Variants in FSIP2 observed in about 807,000 individuals in gnomAD.
FSIP2 encodes fibrous sheath-interacting protein 2.
FSIP2 carries 367 observed loss-of-function variants against 510.5 expected under a neutral mutation model. The observed-to-expected ratio is 0.72, with a 90% CI of 0.66 to 0.78. FSIP2 has a LOEUF of 0.78. Among genes scored for constraint, FSIP2 ranks in the 30% least tolerant of loss-of-function variants. The pLI, the probability that FSIP2 is intolerant of heterozygous loss-of-function variation, is 0.00. For missense variants in FSIP2, 7,594 were observed against 7,901.7 expected, an observed-to-expected ratio of 0.96 and a Z score of 1.48; for synonymous variants, 2,601 against 2,732.2, an observed-to-expected ratio of 0.95 and a Z score of 1.50.
rs1691860619 is a variant in FSIP2 at position 185,738,999 on chromosome 2, T to G, written c.99+6T>G. The stretch of plus-strand genomic sequence containing the variant: ...ACACCCAGCAGTGCAGAGACGTGAG[T>G]GGCCGCAAGCTGGGCGGCGTCGCCC... On this transcript the variant is annotated splice_donor_region_variant and intron_variant, in intron 1 of 22. Transcript: ENST00000424728. 1 of 1,531,276 alleles carries G rather than the reference T, an allele frequency of 6.5e-7. No individual in the cohort carries two copies. Among genetic ancestry groups the G allele is most frequent in the Non-Finnish European group, 8.7e-7 (1 of 1,145,518 alleles). The allele number at this position is 1,531,276 out of a possible 1,614,324, so 94.9% of individuals were successfully genotyped here. A position where few individuals can be genotyped will look rare whatever the true frequency, so the allele number is the denominator to read the frequency against.
chr2:185,797,394 A>G lies in FSIP2; in HGVS notation c.10258A>G (p.Lys3420Glu), dbSNP rs1693317860. 2 of 1,531,484 alleles carry G rather than the reference A, an allele frequency of 1.3e-6. No individual in the cohort carries two copies. Among genetic ancestry groups the G allele is most frequent in the Non-Finnish European group, 8.7e-7 (1 of 1,145,428 alleles). The allele number at this position is 1,531,484 out of a possible 1,614,324, so 94.9% of individuals were successfully genotyped here. Reference protein sequence around the residue: ...LQKLKKKEYPKIETVKEVEAF... With the variant: ...LQKLKKKEYPEIETVKEVEAF... ...AAAATTGAAAAAAAAGGAGTACCCA[A>G]AGATAGAGACTGTGAAGGAAGTTGA... is the stretch of plus-strand genomic sequence containing the variant. The change falls in exon 16 of 23, where the codon AAG (lysine) becomes GAG (glutamate). Residue 3420 changes from lysine to glutamate, a missense_variant. Coordinates refer to ENST00000424728, the MANE Select transcript of FSIP2 (RefSeq NM_173651.4).
In FSIP2 at chr2:185,791,007, C is replaced by T. The variant is rs994294942; in HGVS notation, c.3871C>T (p.Leu1291Phe). 7.2e-6 allele frequency: 11 copies of T among 1,529,518 alleles called. No homozygotes were observed. Among genetic ancestry groups the T allele is most frequent in the Admixed American group, 2.0e-5 (1 of 50,402 alleles). The allele number at this position is 1,529,518 out of a possible 1,614,324, so 94.7% of individuals were successfully genotyped here. A position where few individuals can be genotyped will look rare whatever the true frequency, so the allele number is the denominator to read the frequency against. ...CTTCAAATCTTCATTACGATCTCAA[C>T]TTAGTAAGTACACAGCTAAAATAGT... The part of the protein sequence containing the change: ...MGFKSSLRSQ[L>F]SKYTAKIVNI... Residue 1291 changes from leucine (L) to phenylalanine (F), a missense_variant, in exon 16 of 23, where the codon CTT (leucine) becomes TTT (phenylalanine). Physicochemically the swap from Leu to Phe is conservative, Grantham distance 22 (BLOSUM62 0). Transcript: ENST00000424728.
At chr2:185,749,247 C>G in intron 7 of FSIP2, among the ~76,000 whole-genome samples, 1 of 151,908 alleles carries the variant, frequency 6.6e-6, no homozygotes, top group Admixed American at 6.6e-5. Context: ...GCACAATTTA[C>G]CTCTTTATAA....
chr2:185,746,278 C>T (rs1037893634), intron 5 of FSIP2, among the ~76,000 whole-genome samples: 67 of 125,632 alleles, frequency 5.3e-4, no homozygotes, highest in African/African-American at 1.9e-3. Flanking sequence ...TTAGAGAATT[C>T]AAATGGACTG....
At chr2:185,766,711 C>G (rs1301408928) in intron 13 of FSIP2, among the ~76,000 whole-genome samples, 2 of 150,620 alleles carry the variant, frequency 1.3e-5, no homozygotes, top group Non-Finnish European at 3.0e-5. Flanking sequence ...CACTTTTACA[C>G]TGTTGGTGGG....
At position 185,790,432 on chromosome 2, in the gene FSIP2, A is replaced by G; in HGVS notation, c.3296A>G (p.Lys1099Arg). Residue 1099 changes from lysine (K) to arginine (R), a missense_variant, in exon 16 of 23, where the codon AAG (lysine) becomes AGG (arginine). Transcript: ENST00000424728. ...KDISTFSQDQ[K>R]HQIEKASENI... ...ATTTCAACTTTCAGCCAAGATCAAA[A>G]GCATCAAATAGAAAAGGCTTCAGAA... 2 of 1,532,588 alleles carry G rather than the reference A, an allele frequency of 1.3e-6. No individual in the cohort carries two copies. The highest frequency in any genetic ancestry group is 4.9e-5 in the East Asian group (2 of 40,844). 94.9% of individuals were successfully genotyped at this position (1,532,588 alleles called of 1,614,324 possible).
rs117954044 is a variant in FSIP2 at position 185,817,209 on chromosome 2, C to A, written c.20426+1738C>A. ...CAGAGTAGATCTTGTTCTGACCTAT[C>A]TATGGGCTTTCTTAAGAAATTATTT... On this transcript the variant is annotated intron_variant, in intron 19 of 22. Transcript: ENST00000424728. Among the ~76,000 whole-genome samples, 22 of 152,026 alleles carry A rather than the reference C, an allele frequency of 1.4e-4. No individual in the cohort carries two copies. The East Asian group carries it at 4.3e-3, about 30-fold the overall frequency.
chr2:185,761,946 T>C, intron 10 of FSIP2, 26 bp from the exon 11 acceptor site: 1 of 1,345,250 alleles, frequency 7.4e-7, no homozygotes, highest in Non-Finnish European at 1.0e-6. Flanking sequence ...AATGTAATTT[T>C]TTCTCTTCAA....
Position 185,802,554 on chromosome 2 carries a change from C to T in FSIP2, c.13248C>T (p.Tyr4416=). ...TNLIVAAISD[Y]LLHPLFSGDF... The stretch of plus-strand genomic sequence containing the variant: ...TAATTGTAGCAGCTATTTCAGATTA[C>T]CTTCTTCATCCACTGTTTTCTGGGG... Residue 4416 remains tyrosine (Y), a synonymous_variant, in exon 17 of 23, where the codon TAC becomes TAT. Coordinates refer to ENST00000424728, the MANE Select transcript of FSIP2 (RefSeq NM_173651.4). 1 of 1,528,522 alleles carries T rather than the reference C, an allele frequency of 6.5e-7. No individual in the cohort carries two copies. The highest frequency in any genetic ancestry group is 2.5e-5 in the East Asian group (1 of 40,794). The allele number at this position is 1,528,522 out of a possible 1,614,324, so 94.7% of individuals were successfully genotyped here.
chr2:185,762,306 G>C (rs1363890012), intron 11 of FSIP2, among the ~76,000 whole-genome samples: 1 of 151,090 alleles, frequency 6.6e-6, no homozygotes, highest in Non-Finnish European at 1.5e-5. Flanking sequence ...CAGGAGATTG[G>C]AATACAAAGA....
At chr2:185,832,648 T>C (rs1394764505) in intron 22 of FSIP2, among the ~76,000 whole-genome samples, 2 of 151,778 alleles carry the variant, frequency 1.3e-5, no homozygotes, top group Non-Finnish European at 2.9e-5. Flanking sequence ...TCATGCTGAA[T>C]AAGAGGTGCA....
intron 2 of FSIP2, among the ~76,000 whole-genome samples, chr2:185,739,787 T>C (rs1691885658): frequency 6.6e-6 from 1 of 152,196 alleles, no homozygotes; most frequent in Admixed American, 6.5e-5. Context: ...AGAAACATGT[T>C]TAGAAGCTGA....
intron 15 of FSIP2, among the ~76,000 whole-genome samples, chr2:185,786,743 A>G (rs1201825886): frequency 1.3e-5 from 2 of 151,844 alleles, no homozygotes; most frequent in Non-Finnish European, 2.9e-5. Context: ...AGGCAAAGAT[A>G]AGATCGTGTA....
chr2:185,801,292 A>G lies in FSIP2; in HGVS notation c.11986A>G (p.Lys3996Glu), dbSNP rs1401116620. The G allele has an allele frequency of 6.5e-6, 10 of 1,533,606 alleles. No homozygotes were observed. Among genetic ancestry groups the G allele is most frequent in the Non-Finnish European group, 8.7e-6 (10 of 1,145,334 alleles). 95.0% of individuals were successfully genotyped at this position (1,533,606 alleles called of 1,614,324 possible). ...CTCTATGTCATTGTGGGGCAAAAAT[A>G]AAAACATCACTGTGTCCTGGCTCAA... Reference protein sequence around the residue: ...NLSMSLWGKNKNITVSWLNEM... With the variant: ...NLSMSLWGKNENITVSWLNEM... Residue 3996 changes from lysine (K) to glutamate (E), a missense_variant, in exon 17 of 23, where the codon AAA becomes GAA. Transcript: ENST00000424728.
intron 16 of FSIP2, 143 bp downstream of exon 16, chr2:185,797,669 G>C: frequency 1.3e-6 from 1 of 748,202 alleles, no homozygotes; most frequent in Middle Eastern, 2.4e-4. Context: ...CTACTGAGTT[G>C]CACTTTAATT....
At chr2:185,757,506 G>C (rs540806866) in intron 9 of FSIP2, among the ~76,000 whole-genome samples, 1 of 151,378 alleles carries the variant, frequency 6.6e-6, no homozygotes, top group South Asian at 2.1e-4. Flanking sequence ...GGCTTTTTGT[G>C]AATTTTAAAA....
In FSIP2 at chr2:185,807,678, A is replaced by G. The variant is rs1559036006; in HGVS notation, c.18372A>G (p.Glu6124=). Residue 6124 remains glutamate, a synonymous_variant, in exon 17 of 23, where the codon GAA becomes GAG. Transcript: ENST00000424728. ...ACATAGTTGACTTGGTTCTACGAGAAGTGGCTAGCAATCAGCTGCAGAGCT... is the reference window on the plus strand; with the variant it reads ...ACATAGTTGACTTGGTTCTACGAGAGGTGGCTAGCAATCAGCTGCAGAGCT... ...SENIVDLVLR[E]VASNQLQSYF... 6.2e-7 allele frequency: 1 copy of G among 1,612,916 alleles called. No individual in the cohort carries two copies. Among genetic ancestry groups the G allele is most frequent in the South Asian group, 1.1e-5 (1 of 91,054 alleles).
chr2:185,745,845 ATATATTCAAACAG>A (rs1172054584), intron 5 of FSIP2, among the ~76,000 whole-genome samples: 4 of 152,130 alleles, frequency 2.6e-5, no homozygotes, highest in South Asian at 2.1e-4. Flanking sequence ...TATTCAAACA[ATATATTCAAACAG>A]TAACAGCTTT....
rs77097110 is a variant in FSIP2 at position 185,810,469 on chromosome 2, G to T, written c.19827+1336G>T. The stretch of plus-strand genomic sequence containing the variant: ...TCAATCATGATTGGAAGCTTCTTCA[G>T]GCCTTCCCAAAAACAGATGCCACTA... On this transcript the variant is annotated intron_variant, in intron 17 of 22. Coordinates refer to ENST00000424728, the MANE Select transcript of FSIP2 (RefSeq NM_173651.4). Among the ~76,000 whole-genome samples the T allele has an allele frequency of 7.3e-5, 11 of 151,162 alleles. No individual in the cohort carries two copies. The East Asian group carries it at 2.1e-3, about 30-fold the overall frequency.
Sources: gnomAD v4.1 joint callset for allele counts (sites outside exome capture counted in the v4.1 genomes callset) on GRCh38, gnomAD v4.1.1 for gene constraint, MANE v1.5 for transcripts, NCBI Gene and HGNC (gene_info 2026-07-23, HGNC 2026-07-21) for gene names.